The following RHOT2 variants were observed in gnomAD, a reference collection of about 807,000 sequenced individuals.
RHOT2 encodes mitochondrial Rho GTPase 2.
In RHOT2, 90 loss-of-function variants were observed where a neutral mutation model predicts 81.6. The ratio of observed to expected loss-of-function variants is 1.10; its 90% CI spans 0.93 to 1.31. The LOEUF (loss-of-function observed/expected upper bound fraction) is 1.31. Ranked by LOEUF, RHOT2 falls within the 40% of genes most tolerant of loss-of-function variation. The pLI is 0.00. For missense variants in RHOT2, 1,014 were observed against 841.9 expected (o/e 1.20, Z -2.53); for synonymous variants, 512 against 370.9 (o/e 1.38, Z -4.37).
chr16:671,688 T>C lies in RHOT2; in HGVS notation c.870-9T>C, dbSNP rs759973257. The C allele has an allele frequency of 6.2e-7, 1 of 1,610,396 alleles. No individual in the cohort carries two copies. Among genetic ancestry groups the C allele is most frequent in the Non-Finnish European group, 8.5e-7 (1 of 1,178,270 alleles). On this transcript the variant is annotated splice_polypyrimidine_tract_variant and intron_variant, in intron 11 of 18. Coordinates refer to ENST00000315082, the MANE Select transcript of RHOT2 (RefSeq NM_138769.3). ...CCTGGGAGCTAGACGGGCTGTGGCC[T>C]CCCTGCAGGATCCACGTGCCCCCCG...
intron 4 of RHOT2, chr16:669,135 C>T (rs747938451): frequency 1.8e-5 from 7 of 382,784 alleles, no homozygotes; most frequent in Non-Finnish European, 2.9e-5. Context: ...CCCCTCACTG[C>T]GGTCCTGTCA....
Position 673,644 on chromosome 16 carries a change from G to A in RHOT2, c.*38G>A. 6.3e-7 allele frequency: 1 copy of A among 1,587,316 alleles called. No individual in the cohort carries two copies. Among genetic ancestry groups the A allele is most frequent in the Non-Finnish European group, 8.6e-7 (1 of 1,169,210 alleles). The stretch of plus-strand genomic sequence containing the variant: ...CCAAGCCCCCTCCCCTGACCTGGGT[G>A]TGCCTCGCTGCTGGGGCTCTGCAGG... On this transcript the variant is annotated 3_prime_UTR_variant, in exon 19 of 19. Transcript: ENST00000315082.
Position 669,677 on chromosome 16 carries a change from A to G in RHOT2, c.276+71A>G, listed in dbSNP as rs1461522508. Reference sequence around the variant, plus strand: ...TGGTGGCCCAGGTGGACCTTCACCCAACCCGTGGCCAGTGCCATCGCTCAC... The same window carrying G: ...TGGTGGCCCAGGTGGACCTTCACCCGACCCGTGGCCAGTGCCATCGCTCAC... On this transcript the variant is annotated intron_variant, in intron 5 of 18. Transcript: ENST00000315082. 5.3e-6 allele frequency: 8 copies of G among 1,505,784 alleles called. No individual in the cohort carries two copies. In the African/African-American group the frequency reaches 9.7e-5, roughly 18 times the overall value. The allele number at this position is 1,505,784 out of a possible 1,614,324, so 93.3% of individuals were successfully genotyped here. A position where few individuals can be genotyped will look rare whatever the true frequency, so the allele number is the denominator to read the frequency against.
Position 671,945 on chromosome 16 carries a change from G to A in RHOT2, c.1040G>A (p.Arg347His), listed in dbSNP as rs904049264. 16 of 1,612,008 alleles carry A rather than the reference G, an allele frequency of 9.9e-6. No homozygotes were observed. The highest frequency in any genetic ancestry group is 4.0e-5 in the African/African-American group (3 of 74,840). The change falls in exon 13 of 19, where the codon CGC (arginine) becomes CAC (histidine). Residue 347 changes from arginine to histidine, a missense_variant. Arg to His is a conservative substitution (Grantham distance 29). Transcript: ENST00000315082. ...GCGCCCTGGGGCCCCGAGCTCCCAC[G>A]CACAGTCCGCACAGAGGCCGGCCGG... ...PAAPWGPELP[R>H]TVRTEAGRLP...
rs571553369 is a variant in RHOT2, at chr16:669,810, A to T, written c.276+204A>T. ...TCTGGGGCGTCCCGCAGTCTGAGCC[A>T]TTGAGGCCGGCAGTCCTCTTTCTTC... On this transcript the variant is annotated intron_variant, in intron 5 of 18. Transcript: ENST00000315082. 762 of 632,160 alleles carry T rather than the reference A, an allele frequency of 1.2e-3. 8 individuals are homozygous for T. In the African/African-American group the frequency reaches 0.013, roughly 10 times the overall value. 39.2% of individuals were successfully genotyped at this position (632,160 alleles called of 1,614,324 possible). A position where few individuals can be genotyped will look rare whatever the true frequency, so the allele number is the denominator to read the frequency against.
In RHOT2 at chr16:672,382, G is replaced by A. The variant is rs1033749483; in HGVS notation, c.1324G>A (p.Gly442Arg). Reference sequence around the variant, plus strand: ...GCAGGCCTTTCTCGGCCGCGGCCTGGGGGTAAGCACCCTAGACTCCCCCAC... The same window carrying A: ...GCAGGCCTTTCTCGGCCGCGGCCTGAGGGTAAGCACCCTAGACTCCCCCAC... ...FLQAFLGRGLGHQDTREQPPG... is the reference protein window; with the variant it reads ...FLQAFLGRGLRHQDTREQPPG... Residue 442 changes from glycine (G) to arginine (R), a missense_variant and splice_region_variant, in exon 15 of 19, where the codon GGG becomes AGG. Physicochemically the swap from Gly to Arg is moderately radical, Grantham distance 125. Transcript: ENST00000315082. The A allele has an allele frequency of 6.2e-7, 1 of 1,609,660 alleles. No homozygotes were observed.
rs750261510 is a variant in RHOT2 at position 672,940 on chromosome 16, G to A, written c.1540G>A (p.Asp514Asn). 6.2e-6 allele frequency: 10 copies of A among 1,612,792 alleles called. No homozygotes were observed. Among genetic ancestry groups the A allele is most frequent in the Admixed American group, 1.7e-5 (1 of 60,026 alleles). Residue 514 changes from aspartate to asparagine, a missense_variant, in exon 18 of 19, where the codon GAC becomes AAC. Physicochemically the swap from Asp to Asn is conservative, Grantham distance 23. Transcript: ENST00000315082. ...CASVYKHHYM[D>N]GQTPCLFVSS... ...TCTCTGCCCACAGCACCATTACATG[G>A]ACGGGCAGACCCCCTGCCTCTTTGT... is the stretch of plus-strand genomic sequence containing the variant.
chr16:672,218 C>T (rs757234979), intron 14 of RHOT2, 36 bp from the exon 15 acceptor site: 11 of 1,611,922 alleles, frequency 6.8e-6, no homozygotes, highest in South Asian at 4.4e-5. Flanking sequence ...GGCCCAGTAT[C>T]CTGGCAGCTG....
At position 673,058 on chromosome 16, in the gene RHOT2, C is replaced by T. The variant is rs751833796; in HGVS notation, c.1658C>T (p.Pro553Leu). 17 of 1,611,816 alleles carry T rather than the reference C, an allele frequency of 1.1e-5. No homozygotes were observed. Among genetic ancestry groups the T allele is most frequent in the East Asian group, 8.9e-5 (4 of 44,894 alleles). The change falls in exon 18 of 19, where the codon CCG becomes CTG. Residue 553 changes from proline (P) to leucine (L), a missense_variant. Pro to Leu is a moderately conservative substitution (Grantham distance 98, BLOSUM62 -3). Transcript: ENST00000315082. The stretch of plus-strand genomic sequence containing the variant: ...AAGCACCGGCTACCCGCTCCCGTGC[C>T]GTTCTCCTGTGCTGGCCCAGCCGAG... ...CRKHRLPAPV[P>L]FSCAGPAEPS...
intron 11 of RHOT2, 122 bp from the exon 12 acceptor site, chr16:671,575 G>C (rs1446696060): frequency 5.4e-6 from 6 of 1,103,752 alleles, no homozygotes. Flanking sequence ...GGGGCGTACA[G>C]GAGCCTCTGG....
At position 670,189 on chromosome 16, in the gene RHOT2, G is replaced by A. The variant is rs1001778598; in HGVS notation, c.329+14G>A. 1 of 1,608,628 alleles carries A rather than the reference G, an allele frequency of 6.2e-7. No homozygotes were observed. Among genetic ancestry groups the A allele is most frequent in the Non-Finnish European group, 8.5e-7 (1 of 1,177,964 alleles). ...GCAGGGGCCCAGGTAATGAGGGGAT[G>A]TGGAAGGGGCTGGGACCCCTGGCTC... is the stretch of plus-strand genomic sequence containing the variant. On this transcript the variant is annotated intron_variant, in intron 6 of 18. Coordinates refer to ENST00000315082, the MANE Select transcript of RHOT2 (RefSeq NM_138769.3).
chr16:668,564 A>G lies in RHOT2; in HGVS notation c.173A>G (p.Tyr58Cys). The change falls in exon 3 of 19, where the codon TAC (tyrosine) becomes TGC (cysteine). Residue 58 changes from tyrosine (Y) to cysteine (C), a missense_variant. Coordinates refer to ENST00000315082, the MANE Select transcript of RHOT2 (RefSeq NM_138769.3). ...AAGGTGCCCACCCACATCGTGGACT[A>G]CTCAGGTAGCGGCCGTAGCCTCCCG... The part of the protein sequence containing the change: ...PEKVPTHIVD[Y>C]SEAEQTDEEL... 6.2e-7 allele frequency: 1 copy of G among 1,609,822 alleles called. No homozygotes were observed. Among genetic ancestry groups the G allele is most frequent in the Non-Finnish European group, 8.5e-7 (1 of 1,178,854 alleles).
rs1356629474 is a variant in RHOT2 at position 673,524 on chromosome 16, G to A, written c.1775G>A (p.Arg592Gln). ...CTGCATCCCTCTTCCTTCTGGCTCC[G>A]GGGGCTGCTGGGGGTTGTCGGGGCC... The part of the protein sequence containing the change: ...AELHPSSFWL[R>Q]GLLGVVGAAV... The change falls in exon 19 of 19, where the codon CGG (arginine) becomes CAG (glutamine). Residue 592 changes from arginine to glutamine, a missense_variant. Arg to Gln is a conservative substitution (Grantham distance 43, BLOSUM62 1). Coordinates refer to ENST00000315082, the MANE Select transcript of RHOT2 (RefSeq NM_138769.3). The A allele has an allele frequency of 1.4e-5, 23 of 1,612,404 alleles. No homozygotes were observed. Among genetic ancestry groups the A allele is most frequent in the African/African-American group, 5.3e-5 (4 of 74,912 alleles).
Position 671,010 on chromosome 16 carries a change from G to C in RHOT2, c.748+10G>C, listed in dbSNP as rs774899667. 1.3e-6 allele frequency: 2 copies of C among 1,598,384 alleles called. No homozygotes were observed. Among genetic ancestry groups the C allele is most frequent in the Non-Finnish European group, 1.7e-6 (2 of 1,173,986 alleles). On this transcript the variant is annotated intron_variant, in intron 10 of 18. Transcript: ENST00000315082. Reference sequence around the variant, plus strand: ...CGGCTGACCCTGGATGGTGAGGCCGGGTGCCCGCCTGTGCCTGGGGAGTGT... The same window carrying C: ...CGGCTGACCCTGGATGGTGAGGCCGCGTGCCCGCCTGTGCCTGGGGAGTGT...
At position 668,343 on chromosome 16, in the gene RHOT2, C is replaced by T. The variant is rs1417050218; in HGVS notation, c.38-10C>T. On this transcript the variant is annotated splice_polypyrimidine_tract_variant and intron_variant, in intron 1 of 18. Coordinates refer to ENST00000315082, the MANE Select transcript of RHOT2 (RefSeq NM_138769.3). ...CTTGGCCCTCGCGCTGACCGCCTCG[C>T]CCCGCGCAGCCCAGGTGGGGAAGAC... The T allele has an allele frequency of 2.9e-6, 4 of 1,394,312 alleles. No homozygotes were observed. Among genetic ancestry groups the T allele is most frequent in the Non-Finnish European group, 3.7e-6 (4 of 1,081,106 alleles). 86.4% of individuals were successfully genotyped at this position (1,394,312 alleles called of 1,614,324 possible).
At chr16:670,424 G>T in intron 7 of RHOT2, 32 bp from the exon 8 acceptor site, 2 of 1,607,366 alleles carry the variant, frequency 1.2e-6, no homozygotes, top group Non-Finnish European at 1.7e-6. Context: ...CCTCCTCGGG[G>T]CACTTCCCTG....
At position 670,701 on chromosome 16, in the gene RHOT2, G is replaced by A. The variant is rs2038775718; in HGVS notation, c.567G>A (p.Leu189=). 2 of 1,612,392 alleles carry A rather than the reference G, an allele frequency of 1.2e-6. No individual in the cohort carries two copies. Among genetic ancestry groups the A allele is most frequent in the Admixed American group, 1.7e-5 (1 of 60,032 alleles). Residue 189 remains leucine, a synonymous_variant, in exon 9 of 19, where the codon CTG becomes CTA. Transcript: ENST00000315082. ...KQLRPACAQA[L]TRIFRLSDQD... is the part of the protein sequence containing the mutation. ...TGAGGCCCGCGTGCGCCCAGGCGCT[G>A]ACGCGCATCTTCAGGCTCTCAGATC...
rs373836970 is a variant in RHOT2, at chr16:670,863, G to A, written c.640-29G>A. On this transcript the variant is annotated intron_variant, in intron 9 of 18. Transcript: ENST00000315082. ...ACGGGTCGTCTCCGGGTGGCTGGCTGACTCCCAACAACGTTCTCTCGGAAG... is the reference window on the plus strand; with the variant it reads ...ACGGGTCGTCTCCGGGTGGCTGGCTAACTCCCAACAACGTTCTCTCGGAAG... 2.5e-6 allele frequency: 4 copies of A among 1,588,064 alleles called. No homozygotes were observed. In the African/African-American group the frequency reaches 4.0e-5, roughly 16 times the overall value.
chr16:673,454 C>T (rs2039298582), intron 18 of RHOT2, 26 bp from the exon 19 acceptor site: 1 of 1,612,490 alleles, frequency 6.2e-7, no homozygotes, highest in East Asian at 2.2e-5. Flanking sequence ...CCTGAGGTAT[C>T]TGCAGATGAT....
Sources: gnomAD v4.1 joint callset for allele counts on GRCh38, gnomAD v4.1.1 for gene constraint, MANE v1.5 for transcripts, NCBI Gene and HGNC (gene_info 2026-07-23, HGNC 2026-07-21) for gene names.